Variants in PTHLH observed in about 807,000 individuals in gnomAD.
PTHLH encodes the protein parathyroid hormone like hormone, also known as parathyroid hormone-related protein.
PTHLH carries 5 observed loss-of-function variants against 18.6 expected under a neutral mutation model. The observed-to-expected ratio is 0.27, with a 90% CI of 0.14 to 0.56. The LOEUF (loss-of-function observed/expected upper bound fraction) is 0.56, where lower values mean the gene tolerates loss of function less well. PTHLH is among the 20% of genes least tolerant of loss of function. The probability of loss-of-function intolerance (pLI) is 0.92; values close to 1 mark genes in which losing one functional copy is unlikely to be tolerated. For missense variants in PTHLH, 207 were observed against 223.9 expected, an observed-to-expected ratio of 0.92 and a Z score of 0.48; for synonymous variants, 90 against 94.0, an observed-to-expected ratio of 0.96 and a Z score of 0.25.
At chr12:27,958,652 G>T (rs914263392) in intron 5 of PTHLH, 84 bp from the exon 6 acceptor site, 3 of 1,286,488 alleles carry the variant, frequency 2.3e-6, no homozygotes, top group Non-Finnish European at 3.2e-6. Flanking sequence ...AAGGATATAA[G>T]CTAAGGAATG....
intron 5 of PTHLH, among the ~76,000 whole-genome samples, chr12:27,961,309 A>ATATACGTATATATATATACG (rs375792350): frequency 5.3e-5 from 4 of 75,348 alleles, no homozygotes; most frequent in Non-Finnish European, 9.1e-5. Context: ...ACGTATATAT[A>ATATACGTATATATATATACG]TATATATATA....
intron 5 of PTHLH, chr12:27,961,938 A>C (rs1265098232): frequency 1.5e-5 from 11 of 729,296 alleles, no homozygotes; most frequent in African/African-American, 5.2e-5. Flanking sequence ...CATTAGTTGC[A>C]TATGATGTGT....
chr12:27,960,347 C>A (rs2062743087), intron 5 of PTHLH, among the ~76,000 whole-genome samples: 1 of 152,112 alleles, frequency 6.6e-6, no homozygotes, highest in South Asian at 2.1e-4. Context: ...TATAATTCCT[C>A]CAATTTAAAG....
chr12:27,969,462 G>C lies in PTHLH; in HGVS notation c.33C>G (p.Val11=). The C allele has an allele frequency of 6.3e-7, 1 of 1,591,398 alleles. No individual in the cohort carries two copies. The highest frequency in any genetic ancestry group is 8.5e-7 in the Non-Finnish European group (1 of 1,170,706). The change falls in exon 4 of 6, where the codon GTC becomes GTG. Residue 11 remains valine, a synonymous_variant. Transcript: ENST00000545234. MQRRLVQQWS[V]AVFLLSYAVP... ...CCGCGTAGCTCAGCAGGAACACCGC[G>C]ACGCTCCACTGCTGAACCAGTCTCC...
chr12:27,959,254 ATT>A (rs1455725279), intron 5 of PTHLH, among the ~76,000 whole-genome samples: 1 of 152,194 alleles, frequency 6.6e-6, no homozygotes, highest in Non-Finnish European at 1.5e-5. Context: ...AAACAGAATC[ATT>A]TGTCTCTCAC....
intron 5 of PTHLH, chr12:27,962,871 C>A: frequency 1.0e-6 from 1 of 989,510 alleles, no homozygotes; most frequent in African/African-American, 1.7e-5. Context: ...GGCTCAGAAT[C>A]GTTTATGACA....
At chr12:27,967,298 C>T (rs1461397200) in intron 4 of PTHLH, among the ~76,000 whole-genome samples, 1 of 152,150 alleles carries the variant, frequency 6.6e-6, no homozygotes, top group Non-Finnish European at 1.5e-5. Context: ...GTCAAAAAGA[C>T]TCACAATTTG....
intron 5 of PTHLH, chr12:27,963,147 G>C: frequency 2.1e-6 from 3 of 1,462,446 alleles, no homozygotes; most frequent in South Asian, 2.8e-5. Context: ...CTATGGTGCT[G>C]GAGGACAGGG....
chr12:27,972,356 C>G (rs1185142580), intron 1 of PTHLH, among the ~76,000 whole-genome samples, 167 bp downstream of exon 1: 2 of 152,188 alleles, frequency 1.3e-5, no homozygotes, highest in African/African-American at 4.8e-5. Context: ...CACTCCTTCC[C>G]TCCTTTCTTT....
intron 2 of PTHLH, among the ~76,000 whole-genome samples, chr12:27,971,575 G>A (rs80023692): frequency 0.016 from 2,417 of 152,028 alleles, 57 homozygotes; most frequent in African/African-American, 0.055. Context: ...TTTACCCAGG[G>A]TGGGAGAAAT....
chr12:27,963,175 G>C lies in PTHLH; in HGVS notation c.524+173C>G, dbSNP rs866673534. The C allele has an allele frequency of 1.7e-5, 25 of 1,497,498 alleles. 1 individual carries two copies. The Middle Eastern group carries it at 9.6e-4, about 58-fold the overall frequency. 92.8% of individuals were successfully genotyped at this position (1,497,498 alleles called of 1,614,324 possible). On this transcript the variant is annotated intron_variant, in intron 5 of 5. Coordinates refer to ENST00000545234, the MANE Select transcript of PTHLH (RefSeq NM_198965.2). ...GGACAGGGGTGTGTGTGGTAGGGGG[G>C]TACTGCTTTAAGGCAGACAATATTC...
chr12:27,968,948 G>A (rs1325344341), intron 4 of PTHLH, among the ~76,000 whole-genome samples: 1 of 152,092 alleles, frequency 6.6e-6, no homozygotes. Context: ...AAAATTAGAT[G>A]TACGGCTTTT....
intron 5 of PTHLH, chr12:27,962,117 C>G (rs2062767135): frequency 3.8e-6 from 2 of 524,284 alleles, no homozygotes; most frequent in Non-Finnish European, 6.7e-6. Context: ...TTGGGGCCAC[C>G]TATTTCAATT....
intron 5 of PTHLH, among the ~76,000 whole-genome samples, chr12:27,959,800 A>G (rs570351531): frequency 6.6e-6 from 1 of 152,348 alleles, no homozygotes; most frequent in Middle Eastern, 3.4e-3. Flanking sequence ...AGAAAAGAAG[A>G]GTTTAAGATT....
At chr12:27,969,014 C>T (rs2062842049) in intron 4 of PTHLH, 1 of 246,996 alleles carries the variant, frequency 4.0e-6, no homozygotes, top group African/African-American at 2.2e-5. Context: ...GCGCGCAGGC[C>T]ATACGTCCCC....
At chr12:27,966,510 A>C (rs929434928) in intron 4 of PTHLH, among the ~76,000 whole-genome samples, 6 of 152,348 alleles carry the variant, frequency 3.9e-5, no homozygotes, top group African/African-American at 1.4e-4. Flanking sequence ...ATACAGAGGT[A>C]GTGAGTAATA....
chr12:27,969,328 C>T (rs1019468482), intron 4 of PTHLH, 66 bp downstream of exon 4: 7 of 1,453,796 alleles, frequency 4.8e-6, no homozygotes, highest in Admixed American at 2.0e-5. Flanking sequence ...TCGGCAGCAT[C>T]CCAGCTTGGC....
At chr12:27,968,405 A>C (rs1402866621) in intron 4 of PTHLH, among the ~76,000 whole-genome samples, 1 of 152,196 alleles carries the variant, frequency 6.6e-6, no homozygotes, top group Non-Finnish European at 1.5e-5. Context: ...GTTAGTGTAA[A>C]AATTTGCCTT....
chr12:27,959,784 C>A (rs1443281328), intron 5 of PTHLH, among the ~76,000 whole-genome samples: 37 of 152,250 alleles, frequency 2.4e-4, no homozygotes, highest in Admixed American at 1.9e-3. Context: ...ATCGCTCCAA[C>A]TGCAAAGAAA....
Sources: gnomAD v4.1 joint callset for allele counts (sites outside exome capture counted in the v4.1 genomes callset) on GRCh38, gnomAD v4.1.1 for gene constraint, MANE v1.5 for transcripts, NCBI Gene and HGNC (gene_info 2026-07-23, HGNC 2026-07-21) for gene names.